The following NOS1 variants were observed in gnomAD, a reference collection of about 807,000 sequenced individuals.
NOS1 encodes nitric oxide synthase 1.
NOS1 carries 51 observed loss-of-function variants against 164.5 expected under a neutral mutation model. The ratio of observed to expected loss-of-function variants is 0.31; its 90% CI spans 0.25 to 0.39. NOS1 has a LOEUF of 0.39. Among genes scored for constraint, NOS1 ranks in the 10% least tolerant of loss-of-function variants. NOS1 has a pLI of 1.00. For missense variants in NOS1, 1,362 were observed against 1,885.6 expected (o/e 0.72, Z 5.14); for synonymous variants, 719 against 745.8 (o/e 0.96, Z 0.59).
chr12:117,235,971 A>G (rs2135945280), intron 20 of NOS1, among the ~76,000 whole-genome samples: 2 of 152,106 alleles, frequency 1.3e-5, no homozygotes, highest in East Asian at 1.9e-4. Context: ...TGAACCCAGG[A>G]GGTGGAGGTT....
chr12:117,235,136 T>C (rs1869596709), intron 20 of NOS1, among the ~76,000 whole-genome samples: 1 of 152,084 alleles, frequency 6.6e-6, no homozygotes, highest in Non-Finnish European at 1.5e-5. Context: ...CAGGCTGGTC[T>C]CAAACTTGTG....
At chr12:117,258,368 G>A (rs750650227) in intron 16 of NOS1, 29 bp downstream of exon 16, 44 of 1,612,156 alleles carry the variant, frequency 2.7e-5, no homozygotes, top group Non-Finnish European at 2.5e-5. Context: ...CGGGGGTGGC[G>A]GGTGACGTCG....
chr12:117,269,460 A>ATTTTTTTTTTTT (rs200222625), intron 10 of NOS1, among the ~76,000 whole-genome samples: 2 of 110,048 alleles, frequency 1.8e-5, no homozygotes, highest in South Asian at 2.7e-4. Context: ...ATCTCTGGAG[A>ATTTTTTTTTTTT]TTTGTTTTTT....
chr12:117,342,764 G>A (rs1267278033), intron 1 of NOS1, among the ~76,000 whole-genome samples: 1 of 152,124 alleles, frequency 6.6e-6, no homozygotes, highest in Non-Finnish European at 1.5e-5. Context: ...AAATGGGTGG[G>A]AAAAGCAAGG....
At chr12:117,262,217 TG>T (rs1871960383) in intron 13 of NOS1, among the ~76,000 whole-genome samples, 1 of 152,122 alleles carries the variant, frequency 6.6e-6, no homozygotes, top group African/African-American at 2.4e-5. Context: ...TAATTCCCAT[TG>T]TTACTACCCA....
chr12:117,304,377 T>TG (rs1874023949), intron 3 of NOS1, among the ~76,000 whole-genome samples: 2 of 152,208 alleles, frequency 1.3e-5, no homozygotes, highest in Non-Finnish European at 2.9e-5. Context: ...TGTCACTTCT[T>TG]GGGGTAAACC....
intron 21 of NOS1, 130 bp from the exon 22 acceptor site, chr12:117,232,261 T>TAGCTCTCCACCTTCC: frequency 1.4e-6 from 1 of 722,250 alleles, no homozygotes; most frequent in Middle Eastern, 4.1e-4. Flanking sequence ...AGCAACCTTC[T>TAGCTCTCCACCTTCC]AGCTCTCCAC....
chr12:117,260,189 G>T (rs1202317830), intron 14 of NOS1, among the ~76,000 whole-genome samples: 1 of 151,846 alleles, frequency 6.6e-6, no homozygotes, highest in Non-Finnish European at 1.5e-5. Flanking sequence ...TGTACTTCAG[G>T]CAAAGCTTCC....
Position 117,234,906 on chromosome 12 carries a change from CTATTATTATTAT to C in NOS1, c.3042-160_3042-149del, listed in dbSNP as rs10588671. 1.8e-5 allele frequency: 8 copies of C among 439,788 alleles called. No individual in the cohort carries two copies. The highest frequency in any genetic ancestry group is 3.7e-5 in the East Asian group (1 of 27,346). The allele number at this position is 439,788 out of a possible 1,614,324, so 27.2% of individuals were successfully genotyped here. ...TAACCAAGCCTATGCCCCCATCATT[CTATTATTATTAT>C]TATTATTATTATTATGGTGAGATAG... On this transcript the variant is annotated intron_variant, in intron 20 of 28. Transcript: ENST00000317775. This position sits in a 1 kb window ranked among gnomAD's most constrained non-coding sequence, Gnocchi z 4.3.
chr12:117,252,387 C>A (rs1208016716), intron 17 of NOS1, among the ~76,000 whole-genome samples: 3 of 152,170 alleles, frequency 2.0e-5, no homozygotes, highest in African/African-American at 4.8e-5. Flanking sequence ...CTGGATTTGG[C>A]TCACAGGTGT....
intron 1 of NOS1, among the ~76,000 whole-genome samples, chr12:117,343,020 G>C (rs1876185412): frequency 6.6e-6 from 1 of 152,142 alleles, no homozygotes. Context: ...TTTCCTGAGA[G>C]AGGGAAACCT....
chr12:117,333,812 C>A (rs1469970156), intron 1 of NOS1, among the ~76,000 whole-genome samples: 1 of 152,190 alleles, frequency 6.6e-6, no homozygotes, highest in Non-Finnish European at 1.5e-5. Flanking sequence ...GAAACCCATC[C>A]AGGACCGCTG....
intron 8 of NOS1, among the ~76,000 whole-genome samples, chr12:117,278,961 AGT>A (rs1264934885): frequency 2.0e-5 from 3 of 150,604 alleles, no homozygotes; most frequent in African/African-American, 7.3e-5. Context: ...TATCAATATG[AGT>A]GTATTTAAAT....
intron 15 of NOS1, 71 bp downstream of exon 15, chr12:117,258,955 G>T: frequency 9.5e-7 from 1 of 1,053,914 alleles, no homozygotes; most frequent in Non-Finnish European, 1.5e-6. Flanking sequence ...TGTAGGAAGA[G>T]TCTCAACCTT....
At position 117,213,474 on chromosome 12, in the gene NOS1, A is replaced by T; in HGVS notation, c.*1835T>A. On this transcript the variant is annotated 3_prime_UTR_variant, in exon 29 of 29. Coordinates refer to ENST00000317775, the MANE Select transcript of NOS1 (RefSeq NM_000620.5). Reference sequence around the variant, plus strand: ...TATAGCTGGCATGAAGTCAAGCTCCATGTGGCAGGAACAGGACACCGGTGG... The same window carrying T: ...TATAGCTGGCATGAAGTCAAGCTCCTTGTGGCAGGAACAGGACACCGGTGG... 1.0e-6 allele frequency: 1 copy of T among 985,540 alleles called. No homozygotes were observed. The highest frequency in any genetic ancestry group is 1.2e-6 in the Non-Finnish European group (1 of 830,030). 61.0% of individuals were successfully genotyped at this position (985,540 alleles called of 1,614,324 possible). A position where few individuals can be genotyped will look rare whatever the true frequency, so the allele number is the denominator to read the frequency against.
In NOS1 at chr12:117,333,638, G is replaced by A. The variant is rs542752207; in HGVS notation, c.-420-2149C>T. The stretch of plus-strand genomic sequence containing the variant: ...GTGGGTGAGGAAATAATGAATCCCC[G>A]GGCTCAGCCTGGGCTGCGTTCTCCA... On this transcript the variant is annotated intron_variant, in intron 1 of 28. Transcript: ENST00000317775. Among the ~76,000 whole-genome samples, 154 of 152,272 alleles carry A rather than the reference G, an allele frequency of 1.0e-3. 1 individual carries two copies. The highest frequency in any genetic ancestry group is 2.7e-3 in the South Asian group (13 of 4,824).
chr12:117,247,636 C>A, intron 17 of NOS1, 114 bp from the exon 18 acceptor site: 4 of 890,982 alleles, frequency 4.5e-6, no homozygotes, highest in Non-Finnish European at 6.5e-6. Flanking sequence ...AAACTCTAAT[C>A]TCCTCACAAT....
At position 117,214,487 on chromosome 12, in the gene NOS1, G is replaced by A; in HGVS notation, c.*822C>T. 1.0e-6 allele frequency: 1 copy of A among 985,350 alleles called. No individual in the cohort carries two copies. The highest frequency in any genetic ancestry group is 1.2e-6 in the Non-Finnish European group (1 of 829,918). The allele number at this position is 985,350 out of a possible 1,614,324, so 61.0% of individuals were successfully genotyped here. A position where few individuals can be genotyped will look rare whatever the true frequency, so the allele number is the denominator to read the frequency against. ...TAGCTGGTATGGGTGGGTTTGGGGAGGGGATTTGCACAATCCATTGGATGG... is the reference window on the plus strand; with the variant it reads ...TAGCTGGTATGGGTGGGTTTGGGGAAGGGATTTGCACAATCCATTGGATGG... On this transcript the variant is annotated 3_prime_UTR_variant, in exon 29 of 29. Coordinates refer to ENST00000317775, the MANE Select transcript of NOS1 (RefSeq NM_000620.5).
At chr12:117,242,540 G>T in intron 20 of NOS1, 87 bp downstream of exon 20, 1 of 1,067,490 alleles carries the variant, frequency 9.4e-7, no homozygotes, top group Non-Finnish European at 1.5e-6. Context: ...AGAACAGCCA[G>T]TCCTTGGAGT....
Sources: gnomAD v4.1 joint callset for allele counts (sites outside exome capture counted in the v4.1 genomes callset) on GRCh38, gnomAD v4.1.1 for gene constraint, Gnocchi (gnomAD v3.1) non-coding constraint, MANE v1.5 for transcripts, NCBI Gene and HGNC (gene_info 2026-07-23, HGNC 2026-07-21) for gene names.